The following SLC27A2 variants were observed in gnomAD, a reference collection of about 807,000 sequenced individuals.
SLC27A2 encodes solute carrier family 27 member 2, also known as long-chain fatty acid transport protein 2.
Under a neutral mutation model 60.0 loss-of-function variants are expected in SLC27A2, and 54 were observed. The observed-to-expected ratio is 0.90, with a 90% CI of 0.72 to 1.13. The LOEUF (loss-of-function observed/expected upper bound fraction) is 1.13. SLC27A2 is among the 50% of genes most tolerant of loss of function. The pLI, the probability that SLC27A2 is intolerant of heterozygous loss-of-function variation, is 0.00. For synonymous variants in SLC27A2, 297 were observed against 297.6 expected (o/e 1.00, Z 0.02); for missense variants, 739 against 777.6 (o/e 0.95, Z 0.59).
intron 8 of SLC27A2, among the ~76,000 whole-genome samples, chr15:50,229,604 T>C (rs888134722): frequency 6.6e-6 from 1 of 152,234 alleles, no homozygotes; most frequent in Non-Finnish European, 1.5e-5. Flanking sequence ...CAACATCTGC[T>C]GGCTGTTTGA....
rs1229660804 is a variant in SLC27A2 at position 50,197,636 on chromosome 15, T to G, written c.615T>G (p.Pro205=). 6.2e-7 allele frequency: 1 copy of G among 1,614,018 alleles called. No homozygotes were observed. Among genetic ancestry groups the G allele is most frequent in the African/African-American group, 1.3e-5 (1 of 74,936 alleles). The change falls in exon 2 of 10, where the codon CCT becomes CCG. Residue 205 remains proline (P), a synonymous_variant. Coordinates refer to ENST00000267842, the MANE Select transcript of SLC27A2 (RefSeq NM_003645.4). ...LDKVDEVSTE[P]IPESWRSEVT... is the part of the protein sequence containing the mutation. ...AAGTGGATGAAGTATCAACTGAACCTATCCCAGAGTCATGGAGGTCTGAAG... is the reference window on the plus strand; with the variant it reads ...AAGTGGATGAAGTATCAACTGAACCGATCCCAGAGTCATGGAGGTCTGAAG...
intron 1 of SLC27A2, 81 bp downstream of exon 1, chr15:50,182,986 T>A: frequency 7.2e-7 from 1 of 1,396,698 alleles, no homozygotes; most frequent in Non-Finnish European, 9.7e-7. Flanking sequence ...GCATAAGGGG[T>A]TCGCAGAGGG....
chr15:50,204,923 AAT>A (rs1045974258), intron 3 of SLC27A2, among the ~76,000 whole-genome samples: 3 of 146,838 alleles, frequency 2.0e-5, no homozygotes, highest in Admixed American at 1.4e-4. Context: ...TATATAATAT[AAT>A]ATATATATAT....
At chr15:50,192,787 T>TTAAA (rs1555500296) in intron 1 of SLC27A2, among the ~76,000 whole-genome samples, 1 of 136,502 alleles carries the variant, frequency 7.3e-6, no homozygotes, top group African/African-American at 2.7e-5. Flanking sequence ...ACATTTTTCT[T>TTAAA]AAAAAAAAAA....
chr15:50,234,056 A>G, intron 9 of SLC27A2, 58 bp downstream of exon 9: 1 of 1,470,788 alleles, frequency 6.8e-7, no homozygotes, highest in Non-Finnish European at 9.2e-7. Flanking sequence ...CCTACCACTT[A>G]GGGAACAACT....
chr15:50,186,632 T>C (rs1201360750), intron 1 of SLC27A2, among the ~76,000 whole-genome samples: 1 of 152,118 alleles, frequency 6.6e-6, no homozygotes, highest in Admixed American at 6.5e-5. Flanking sequence ...AGAGATGGGG[T>C]TTCACCATGT....
chr15:50,215,231 A>G (rs2045186349), intron 4 of SLC27A2, among the ~76,000 whole-genome samples: 3 of 152,184 alleles, frequency 2.0e-5, no homozygotes, highest in Non-Finnish European at 4.4e-5. Context: ...TGCAAAAAAA[A>G]TAAAATACCT....
intron 4 of SLC27A2, among the ~76,000 whole-genome samples, 193 bp downstream of exon 4, chr15:50,205,556 T>TATG (rs1196587408): frequency 6.6e-6 from 1 of 152,158 alleles, no homozygotes; most frequent in Non-Finnish European, 1.5e-5. Flanking sequence ...ATATTATTAT[T>TATG]ATGATGATGA....
intron 4 of SLC27A2, among the ~76,000 whole-genome samples, chr15:50,209,680 G>A (rs757847936): frequency 4.6e-5 from 7 of 152,180 alleles, no homozygotes; most frequent in Admixed American, 6.5e-5. Flanking sequence ...TTTTGGCTAC[G>A]ATGTGAGAAT....
chr15:50,197,810 C>A, intron 2 of SLC27A2, 101 bp downstream of exon 2: 1 of 764,610 alleles, frequency 1.3e-6, no homozygotes. Flanking sequence ...TATTGGGTAA[C>A]TAATACTTCA....
rs189971593 is a variant in SLC27A2, at chr15:50,214,308, A to C, written c.973-8657A>C. On this transcript the variant is annotated intron_variant, in intron 4 of 9. Transcript: ENST00000267842. ...CTGGAACAGACCAATAACAAGCAGG[A>C]AGATTGAAATGGTAATTTAAAAATT... is the stretch of plus-strand genomic sequence containing the variant. 2.1e-3 allele frequency among the ~76,000 whole-genome samples: 313 copies of C among 152,268 alleles called. 1 individual carries two copies. The highest frequency in any genetic ancestry group is 3.4e-3 in the Non-Finnish European group (229 of 67,980).
intron 6 of SLC27A2, 114 bp downstream of exon 6, chr15:50,226,192 G>A (rs559248939): frequency 9.7e-5 from 65 of 667,916 alleles, no homozygotes; most frequent in African/African-American, 9.7e-4. Context: ...GGGGAAAAGG[G>A]GGGTTTATTT....
At chr15:50,193,793 TG>T (rs576718859) in intron 1 of SLC27A2, among the ~76,000 whole-genome samples, 48 of 152,314 alleles carry the variant, frequency 3.2e-4, no homozygotes, top group Non-Finnish European at 5.0e-4. Context: ...CTAGTAGTTC[TG>T]GGGGTACAAA....
intron 4 of SLC27A2, among the ~76,000 whole-genome samples, chr15:50,213,878 A>T (rs946553546): frequency 6.6e-6 from 1 of 152,128 alleles, no homozygotes; most frequent in Non-Finnish European, 1.5e-5. Flanking sequence ...ACAAACAGAC[A>T]ATCTAAGGTC....
At chr15:50,209,483 G>A (rs975976440) in intron 4 of SLC27A2, among the ~76,000 whole-genome samples, 28 of 152,214 alleles carry the variant, frequency 1.8e-4, no homozygotes, top group South Asian at 2.1e-4. Context: ...GGAAAATCAC[G>A]TGAGCAGTGA....
intron 2 of SLC27A2, among the ~76,000 whole-genome samples, chr15:50,199,285 T>C (rs2140900703): frequency 6.6e-6 from 1 of 151,896 alleles, no homozygotes; most frequent in Non-Finnish European, 1.5e-5. Context: ...CCATGCTGGC[T>C]AACATGGTGA....
At chr15:50,187,145 G>C (rs911914656) in intron 1 of SLC27A2, among the ~76,000 whole-genome samples, 1 of 152,222 alleles carries the variant, frequency 6.6e-6, no homozygotes, top group Non-Finnish European at 1.5e-5. Context: ...TATAGTTACA[G>C]AAAGTCAAGA....
chr15:50,185,703 C>T (rs2140893380), intron 1 of SLC27A2, among the ~76,000 whole-genome samples: 1 of 144,632 alleles, frequency 6.9e-6, no homozygotes, highest in South Asian at 2.2e-4. Context: ...GATCTCGGCT[C>T]ACTGCAAGCT....
intron 1 of SLC27A2, among the ~76,000 whole-genome samples, chr15:50,185,080 C>G (rs1264278175): frequency 6.6e-6 from 1 of 152,162 alleles, no homozygotes; most frequent in African/African-American, 2.4e-5. Context: ...TTTAGTATCC[C>G]AGGTCCCCTG....
Sources: allele counts gnomAD v4.1 joint callset (sites outside exome capture counted in the v4.1 genomes callset), GRCh38; gene constraint gnomAD v4.1.1; transcripts MANE v1.5; gene names NCBI Gene and HGNC (gene_info 2026-07-23, HGNC 2026-07-21).